Variants in ZNF2 observed in about 807,000 individuals in gnomAD.
ZNF2 encodes zinc finger protein 2, also known as zinc finger protein 2.2.
In ZNF2, 12 loss-of-function variants were observed where a neutral mutation model predicts 21.9. That is an observed-to-expected ratio of 0.55 (90% CI 0.35 to 0.89). ZNF2 has a LOEUF of 0.89. Ranked by LOEUF, ZNF2 falls within the 40% of genes least tolerant of loss-of-function variation. ZNF2 has a pLI of 0.01. For missense variants in ZNF2, 462 were observed against 544.2 expected (o/e 0.85, Z 1.50); for synonymous variants, 186 against 196.3 (o/e 0.95, Z 0.44).
intron 3 of ZNF2, among the ~76,000 whole-genome samples, chr2:95,178,042 A>T (rs1050090911): frequency 6.6e-6 from 1 of 152,174 alleles, no homozygotes; most frequent in Admixed American, 6.5e-5. Context: ...GTAGGGGGCC[A>T]TCTTGTCGGA....
intron 1 of ZNF2, among the ~76,000 whole-genome samples, chr2:95,173,771 C>T (rs1459554915): frequency 1.3e-5 from 2 of 152,212 alleles, no homozygotes; most frequent in South Asian, 2.1e-4. Context: ...TGCAGTGGCA[C>T]GATCTTGGCT....
chr2:95,167,367 G>A (rs1299398485), intron 1 of ZNF2, among the ~76,000 whole-genome samples: 3 of 151,736 alleles, frequency 2.0e-5, no homozygotes, highest in Admixed American at 6.6e-5. Flanking sequence ...TTAGCCGGGC[G>A]TGGTGGCGGG....
chr2:95,179,172 A>G (rs553271576), intron 3 of ZNF2, among the ~76,000 whole-genome samples: 11 of 151,976 alleles, frequency 7.2e-5, no homozygotes, highest in Non-Finnish European at 1.6e-4. Flanking sequence ...TTGTATTTTT[A>G]GTAGAGACAG....
chr2:95,177,387 C>G (rs1234086694), intron 2 of ZNF2, 96 bp from the exon 3 acceptor site: 2 of 1,437,838 alleles, frequency 1.4e-6, no homozygotes, highest in African/African-American at 2.8e-5. Context: ...TTTCCTCCCA[C>G]CATGCGTCCT....
At chr2:95,168,576 A>G (rs1234670538) in intron 1 of ZNF2, among the ~76,000 whole-genome samples, 1 of 152,246 alleles carries the variant, frequency 6.6e-6, no homozygotes, top group Admixed American at 6.5e-5. Context: ...TCGCTGCCCT[A>G]GCACATAACA....
At chr2:95,173,616 T>A (rs1260723453) in intron 1 of ZNF2, among the ~76,000 whole-genome samples, 1 of 152,248 alleles carries the variant, frequency 6.6e-6, no homozygotes, top group South Asian at 2.1e-4. Context: ...GAGGATGGAG[T>A]TAAATTAGCC....
At chr2:95,172,862 C>G (rs1468138776) in intron 1 of ZNF2, among the ~76,000 whole-genome samples, 1 of 151,734 alleles carries the variant, frequency 6.6e-6, no homozygotes, top group Non-Finnish European at 1.5e-5. Flanking sequence ...GTCTTGAACT[C>G]CTAACCTCAA....
intron 3 of ZNF2, among the ~76,000 whole-genome samples, 157 bp downstream of exon 3, chr2:95,177,766 C>T (rs769119655): frequency 6.6e-6 from 1 of 152,192 alleles, no homozygotes; most frequent in African/African-American, 2.4e-5. Context: ...ACAGCAACGG[C>T]GGGCTCAATA....
At position 95,181,103 on chromosome 2, in the gene ZNF2, A is replaced by G; in HGVS notation, c.275A>G (p.Asp92Gly). The G allele has an allele frequency of 6.2e-7, 1 of 1,612,034 alleles. No homozygotes were observed. The highest frequency in any genetic ancestry group is 2.2e-5 in the East Asian group (1 of 44,850). ...TGCATCTGTTTTCTGTTTGTTCCAG[A>G]CTGGGAAACTAAGCCTGAGATTCAC... ...EREWPESVSL[D>G]WETKPEIHDA... Residue 92 changes from aspartate to glycine, a missense_variant and splice_region_variant, in exon 5 of 5, where the codon GAC becomes GGC. Coordinates refer to ENST00000614034, the MANE Select transcript of ZNF2 (RefSeq NM_021088.4).
Position 95,170,229 on chromosome 2 carries a change from A to G in ZNF2, c.-40+4369A>G, listed in dbSNP as rs147703405. 2.4e-3 allele frequency among the ~76,000 whole-genome samples: 367 copies of G among 152,250 alleles called. 1 individual carries two copies. The highest frequency in any genetic ancestry group is 8.6e-3 in the African/African-American group (357 of 41,556). On this transcript the variant is annotated intron_variant, in intron 1 of 4. Coordinates refer to ENST00000614034, the MANE Select transcript of ZNF2 (RefSeq NM_021088.4). ...TTGCATGCTCTGGTTATCAATTGACATGTCTTTGTTTCTGTTTGTGTTTAT... is the reference window on the plus strand; with the variant it reads ...TTGCATGCTCTGGTTATCAATTGACGTGTCTTTGTTTCTGTTTGTGTTTAT...
At position 95,181,131 on chromosome 2, in the gene ZNF2, T is replaced by C; in HGVS notation, c.303T>C (p.Asp101=). The change falls in exon 5 of 5, where the codon GAT becomes GAC. Residue 101 remains aspartate, a synonymous_variant. Coordinates refer to ENST00000614034, the MANE Select transcript of ZNF2 (RefSeq NM_021088.4). The part of the protein sequence containing the change: ...LDWETKPEIH[D]ASDKKSEGSL... ...GGGAAACTAAGCCTGAGATTCACGATGCTTCAGACAAAAAATCAGAAGGAT... is the reference window on the plus strand; with the variant it reads ...GGGAAACTAAGCCTGAGATTCACGACGCTTCAGACAAAAAATCAGAAGGAT... 1 of 1,614,064 alleles carries C rather than the reference T, an allele frequency of 6.2e-7. No individual in the cohort carries two copies.
In ZNF2 at chr2:95,184,017, C is replaced by T. The variant is rs1674779447; in HGVS notation, c.*1911C>T. 6.6e-6 allele frequency: 1 copy of T among 152,124 alleles called. No individual in the cohort carries two copies. The highest frequency in any genetic ancestry group is 2.4e-5 in the African/African-American group (1 of 41,424). 9.4% of individuals were successfully genotyped at this position (152,124 alleles called of 1,614,324 possible). On this transcript the variant is annotated 3_prime_UTR_variant, in exon 5 of 5. Coordinates refer to ENST00000614034, the MANE Select transcript of ZNF2 (RefSeq NM_021088.4). ...GCTTAGGGTGAAGCTCAGAAAAGGA[C>T]TTGGTTCTGAAAGGCTGTCTGGAAT...
chr2:95,181,390 C>G lies in ZNF2; in HGVS notation c.562C>G (p.Leu188Val). Reference protein sequence around the residue: ...CGKTFFDHSSLTRHQRTHTGE... With the variant: ...CGKTFFDHSSVTRHQRTHTGE... ...GAAGACCTTTTTTGACCACTCATCC[C>G]TCACCCGCCATCAGAGGACTCACAC... Residue 188 changes from leucine to valine, a missense_variant, in exon 5 of 5, where the codon CTC (leucine) becomes GTC (valine). Physicochemically the swap from Leu to Val is conservative, Grantham distance 32 (BLOSUM62 1). Transcript: ENST00000614034. The G allele has an allele frequency of 6.2e-7, 1 of 1,614,212 alleles. No individual in the cohort carries two copies. Among genetic ancestry groups the G allele is most frequent in the Non-Finnish European group, 8.5e-7 (1 of 1,180,036 alleles).
chr2:95,171,264 C>G (rs1674255975), intron 1 of ZNF2, among the ~76,000 whole-genome samples: 1 of 152,070 alleles, frequency 6.6e-6, no homozygotes, highest in Non-Finnish European at 1.5e-5. Context: ...TTCTCTGTAC[C>G]TTATCTCCAT....
chr2:95,177,081 C>T (rs1674471941), intron 2 of ZNF2, among the ~76,000 whole-genome samples: 1 of 152,122 alleles, frequency 6.6e-6, no homozygotes, highest in African/African-American at 2.4e-5. Flanking sequence ...GGATTAAAGA[C>T]ACATGATGTT....
In ZNF2 at chr2:95,176,265, G is replaced by A. The variant is rs774002509; in HGVS notation, c.33+6G>A. The A allele has an allele frequency of 1.2e-5, 19 of 1,613,978 alleles. No homozygotes were observed. In the African/African-American group the frequency reaches 1.9e-4, roughly 16 times the overall value. ...CTCCGACCACCAGATGCCAGGTGAGGTGGACTTTTGTGTTCCCGAAATACT... is the reference window on the plus strand; with the variant it reads ...CTCCGACCACCAGATGCCAGGTGAGATGGACTTTTGTGTTCCCGAAATACT... On this transcript the variant is annotated splice_donor_region_variant and intron_variant, in intron 2 of 4. Coordinates refer to ENST00000614034, the MANE Select transcript of ZNF2 (RefSeq NM_021088.4).
Position 95,182,325 on chromosome 2 carries a change from G to A in ZNF2, c.*219G>A. On this transcript the variant is annotated 3_prime_UTR_variant, in exon 5 of 5. Transcript: ENST00000614034. ...TCTAAAGATACAAAATTTTGAAGAGGTTTGTCAGACAATAGGATAGATGTT... is the reference window on the plus strand; with the variant it reads ...TCTAAAGATACAAAATTTTGAAGAGATTTGTCAGACAATAGGATAGATGTT... 1.8e-6 allele frequency: 1 copy of A among 562,046 alleles called. No individual in the cohort carries two copies. 34.8% of individuals were successfully genotyped at this position (562,046 alleles called of 1,614,324 possible). A position where few individuals can be genotyped will look rare whatever the true frequency, so the allele number is the denominator to read the frequency against.
intron 1 of ZNF2, among the ~76,000 whole-genome samples, chr2:95,168,099 G>A (rs1331858193): frequency 1.3e-5 from 2 of 151,332 alleles, no homozygotes; most frequent in Non-Finnish European, 2.9e-5. Flanking sequence ...GAAAGAAAGT[G>A]CTACTGGGGT....
At chr2:95,175,810 G>T (rs1008191366) in intron 1 of ZNF2, among the ~76,000 whole-genome samples, 2 of 152,216 alleles carry the variant, frequency 1.3e-5, no homozygotes, top group Admixed American at 6.5e-5. Flanking sequence ...GATTGTCTTT[G>T]ATATGTCTTG....
Sources: allele counts gnomAD v4.1 joint callset (sites outside exome capture counted in the v4.1 genomes callset), GRCh38; gene constraint gnomAD v4.1.1; transcripts MANE v1.5; gene names NCBI Gene and HGNC (gene_info 2026-07-23, HGNC 2026-07-21).